Variants in GALNT13 observed in about 807,000 individuals in gnomAD.
The protein encoded by GALNT13 is UDP-GalNAc:polypeptide N-acetylgalactosaminyltransferase 13.
Under a neutral mutation model 64.2 loss-of-function variants are expected in GALNT13, and 28 were observed. The ratio of observed to expected loss-of-function variants is 0.44; its 90% confidence interval spans 0.32 to 0.60. The LOEUF (loss-of-function observed/expected upper bound fraction) is 0.60, where lower values mean the gene tolerates loss of function less well. GALNT13 is among the 20% of genes least tolerant of loss of function. The probability of loss-of-function intolerance (pLI) is 0.05; values close to 1 mark genes in which losing one functional copy is unlikely to be tolerated. For missense variants in GALNT13, 577 were observed against 669.8 expected (o/e 0.86, Z 1.53); for synonymous variants, 214 against 224.6 (o/e 0.95, Z 0.42).
chr2:153,812,198 C>T, the GALNT13 span, among the ~76,000 whole-genome samples: 1 of 152,152 alleles, frequency 6.6e-6, no homozygotes, highest in African/African-American at 2.4e-5. Flanking sequence ...TTTTGTGTGT[C>T]TGGCTGACCT....
chr2:153,436,802 C>G, the GALNT13 span, among the ~76,000 whole-genome samples: 4 of 151,914 alleles, frequency 2.6e-5, no homozygotes, highest in East Asian at 3.9e-4. Flanking sequence ...ATTTTTTGAA[C>G]GGTTTTTCAT....
At chr2:153,511,395 G>GA in the GALNT13 span, among the ~76,000 whole-genome samples, 1 of 152,114 alleles carries the variant, frequency 6.6e-6, no homozygotes, top group Non-Finnish European at 1.5e-5. Context: ...TAACAGGTGA[G>GA]AAAACCGAGC....
chr2:153,619,762 A>T, the GALNT13 span, among the ~76,000 whole-genome samples: 11 of 152,136 alleles, frequency 7.2e-5, no homozygotes, highest in Admixed American at 2.0e-4. Context: ...TATATGTGTC[A>T]TACCACCCTC....
the GALNT13 span, among the ~76,000 whole-genome samples, chr2:153,385,024 T>C: frequency 6.6e-6 from 1 of 152,014 alleles, no homozygotes; most frequent in Admixed American, 6.6e-5. Flanking sequence ...AAAAATAATC[T>C]ATTTAAAATT....
At chr2:153,719,542 T>C in the GALNT13 span, among the ~76,000 whole-genome samples, 1 of 152,190 alleles carries the variant, frequency 6.6e-6, no homozygotes, top group African/African-American at 2.4e-5. Context: ...CATTTCCATC[T>C]GAGGTACTGG....
At chr2:154,038,131 G>GA (rs1698770190) in intron 3 of GALNT13, among the ~76,000 whole-genome samples, 1 of 151,904 alleles carries the variant, frequency 6.6e-6, no homozygotes, top group Non-Finnish European at 1.5e-5. Flanking sequence ...AGAAAAGAAA[G>GA]AAAAAATAGT....
chr2:153,182,574 A>G, the GALNT13 span, among the ~76,000 whole-genome samples: 1 of 152,160 alleles, frequency 6.6e-6, no homozygotes, highest in South Asian at 2.1e-4. Context: ...AGCATCCATT[A>G]GCTATTCTTC....
At chr2:154,301,719 G>A (rs1263007284) in intron 9 of GALNT13, 130 bp downstream of exon 9, 12 of 599,498 alleles carry the variant, frequency 2.0e-5, no homozygotes, top group Admixed American at 3.1e-5. Flanking sequence ...TGCAGAAAAC[G>A]GCATATGAGA....
At chr2:153,553,719 C>T in the GALNT13 span, among the ~76,000 whole-genome samples, 1 of 152,222 alleles carries the variant, frequency 6.6e-6, no homozygotes, top group Admixed American at 6.5e-5. Context: ...CATGACAACT[C>T]CCCATTTCCA....
At chr2:154,365,969 A>G (rs1165300435) in intron 9 of GALNT13, among the ~76,000 whole-genome samples, 1 of 152,184 alleles carries the variant, frequency 6.6e-6, no homozygotes, top group African/African-American at 2.4e-5. Flanking sequence ...ATTGACAATC[A>G]TCAAAGATTT....
chr2:153,928,226 A>G (rs968894457), intron 2 of GALNT13, among the ~76,000 whole-genome samples: 1 of 152,134 alleles, frequency 6.6e-6, no homozygotes, highest in Non-Finnish European at 1.5e-5. Context: ...ATGGAAGCCT[A>G]GATAAGAAAT....
At chr2:154,176,137 C>T (rs1329133035) in intron 4 of GALNT13, among the ~76,000 whole-genome samples, 2 of 151,818 alleles carry the variant, frequency 1.3e-5, no homozygotes, top group Non-Finnish European at 2.9e-5. Context: ...GAACATAACC[C>T]ATTTTGTACT....
At chr2:154,061,393 A>G (rs1309886765) in intron 3 of GALNT13, among the ~76,000 whole-genome samples, 1 of 152,198 alleles carries the variant, frequency 6.6e-6, no homozygotes, top group Non-Finnish European at 1.5e-5. Context: ...GTTAGGCCTC[A>G]AAGATCTCAC....
chr2:154,102,247 A>T (rs553921802), intron 3 of GALNT13, among the ~76,000 whole-genome samples: 1 of 152,212 alleles, frequency 6.6e-6, no homozygotes, highest in South Asian at 2.1e-4. Context: ...CCCCTTCTAC[A>T]ACCACAGCTA....
intron 4 of GALNT13, among the ~76,000 whole-genome samples, chr2:154,169,856 T>C (rs1005072286): frequency 4.0e-5 from 6 of 151,800 alleles, no homozygotes; most frequent in African/African-American, 1.5e-4. Flanking sequence ...TAAAAAGAAA[T>C]TGGAGGCTGA....
the GALNT13 span, among the ~76,000 whole-genome samples, chr2:153,688,649 C>T: frequency 2.6e-5 from 4 of 151,930 alleles, no homozygotes; most frequent in Non-Finnish European, 5.9e-5. Context: ...CCTTGTCTAT[C>T]CATAGATAAG....
At chr2:153,533,902 T>C in the GALNT13 span, among the ~76,000 whole-genome samples, 1 of 151,774 alleles carries the variant, frequency 6.6e-6, no homozygotes, top group African/African-American at 2.4e-5. Context: ...ATTCTTGTCT[T>C]TTTTTATTTC....
chr2:153,542,950 A>G, the GALNT13 span, among the ~76,000 whole-genome samples: 1 of 152,210 alleles, frequency 6.6e-6, no homozygotes, highest in Non-Finnish European at 1.5e-5. Flanking sequence ...TGTATTTATA[A>G]TGACTTATAT....
At chr2:153,198,989 A>AG in the GALNT13 span, among the ~76,000 whole-genome samples, 1 of 106,352 alleles carries the variant, frequency 9.4e-6, no homozygotes, top group Non-Finnish European at 2.2e-5. Flanking sequence ...TGCCTTCCAG[A>AG]TGGGACACCC....
Sources: allele counts gnomAD v4.1 joint callset (sites outside exome capture counted in the v4.1 genomes callset), GRCh38; gene constraint gnomAD v4.1.1; transcripts MANE v1.5; gene names NCBI Gene and HGNC (gene_info 2026-07-23, HGNC 2026-07-21).